Variants in PDZD2 observed in about 807,000 individuals in gnomAD.
PDZD2 encodes PDZ domain containing 2, also known as PDZ domain-containing protein 2.
Under a neutral mutation model 220.7 loss-of-function variants are expected in PDZD2, and 90 were observed. The observed-to-expected ratio is 0.41, with a 90% CI of 0.34 to 0.49. PDZD2 has a LOEUF of 0.49. PDZD2 is among the 20% of genes least tolerant of loss of function. The pLI is 0.28. For missense variants in PDZD2, 3,174 were observed against 3,608.5 expected (o/e 0.88, Z 3.08); for synonymous variants, 1,375 against 1,450.5 (o/e 0.95, Z 1.18).
intron 1 of PDZD2, among the ~76,000 whole-genome samples, chr5:31,736,012 T>G (rs1028794644): frequency 3.3e-5 from 5 of 152,060 alleles, no homozygotes; most frequent in African/African-American, 1.2e-4. Context: ...AGGTGACAGT[T>G]TTCAGAATAC....
At chr5:31,923,747 A>C (rs1443410998) in intron 2 of PDZD2, among the ~76,000 whole-genome samples, 2 of 152,232 alleles carry the variant, frequency 1.3e-5, no homozygotes, top group African/African-American at 4.8e-5. Context: ...AAATAAAAAT[A>C]AAATACACTT....
intron 2 of PDZD2, among the ~76,000 whole-genome samples, chr5:31,858,080 C>T (rs1580912117): frequency 6.6e-6 from 1 of 152,276 alleles, no homozygotes; most frequent in Non-Finnish European, 1.5e-5. Context: ...CCCGTCTTGG[C>T]CTCCCACAGT....
Position 31,823,007 on chromosome 5 carries a change from C to G in PDZD2, c.476+23283C>G, listed in dbSNP as rs1316016466. On this transcript the variant is annotated intron_variant, in intron 2 of 24. Transcript: ENST00000438447. ...TTTTTCTTTCCGAGAAGACTGAGTT[C>G]TACGTTGATGTGATTGAAGTCCCTC... The G allele has an allele frequency of 1.3e-5, 15 of 1,191,922 alleles. No homozygotes were observed. The Admixed American group carries it at 2.7e-4, about 21-fold the overall frequency. 73.8% of individuals were successfully genotyped at this position (1,191,922 alleles called of 1,614,324 possible). A position where few individuals can be genotyped will look rare whatever the true frequency, so the allele number is the denominator to read the frequency against.
intron 19 of PDZD2, among the ~76,000 whole-genome samples, chr5:32,085,437 CA>C (rs1206923412): frequency 6.7e-6 from 1 of 149,298 alleles, no homozygotes; most frequent in East Asian, 1.9e-4. Context: ...TCAATAAATG[CA>C]ATACCTTATT....
intron 2 of PDZD2, among the ~76,000 whole-genome samples, chr5:31,871,507 G>A (rs1477788418): frequency 1.3e-5 from 2 of 151,290 alleles, no homozygotes; most frequent in Non-Finnish European, 1.5e-5. Flanking sequence ...GCTGGAGTGC[G>A]GTGACATGAT....
intron 2 of PDZD2, among the ~76,000 whole-genome samples, chr5:31,857,935 T>C (rs1758601924): frequency 6.6e-6 from 1 of 152,224 alleles, no homozygotes; most frequent in Non-Finnish European, 1.5e-5. Flanking sequence ...CAAGTGATTC[T>C]CCTGCCTCAC....
chr5:31,768,281 C>T (rs1752142900), intron 1 of PDZD2, among the ~76,000 whole-genome samples: 1 of 152,164 alleles, frequency 6.6e-6, no homozygotes, highest in South Asian at 2.1e-4. Flanking sequence ...GCCATCAGCC[C>T]AAGGGACAGG....
At chr5:31,648,891 T>G (rs992687844) in intron 1 of PDZD2, among the ~76,000 whole-genome samples, 2 of 151,976 alleles carry the variant, frequency 1.3e-5, no homozygotes, top group African/African-American at 4.9e-5. Flanking sequence ...TCTTACATTC[T>G]ATGGGTTTGG....
At chr5:31,943,816 T>G (rs1473345618) in intron 2 of PDZD2, among the ~76,000 whole-genome samples, 1 of 152,194 alleles carries the variant, frequency 6.6e-6, no homozygotes, top group African/African-American at 2.4e-5. Context: ...CTGGATTCTA[T>G]TAGTAGATTT....
intron 6 of PDZD2, among the ~76,000 whole-genome samples, chr5:32,011,008 C>CAAAAAAAAAAA: frequency 1.0e-5 from 1 of 100,368 alleles, no homozygotes; most frequent in Non-Finnish European, 1.8e-5. Context: ...AAAAACCTCT[C>CAAAAAAAAAAA]AAAAAAAAAA....
chr5:31,837,675 G>C (rs1757028982), intron 2 of PDZD2, among the ~76,000 whole-genome samples: 1 of 152,028 alleles, frequency 6.6e-6, no homozygotes, highest in East Asian at 1.9e-4. Context: ...AGTGAGCCGA[G>C]ATTGTGTCAC....
chr5:31,826,447 T>A (rs10038144), intron 2 of PDZD2, among the ~76,000 whole-genome samples: 2 of 151,662 alleles, frequency 1.3e-5, no homozygotes, highest in African/African-American at 2.4e-5. Flanking sequence ...CCGAGGCGGG[T>A]GGATCATTTG....
At chr5:32,106,988 T>C (rs1036531156) in intron 24 of PDZD2, among the ~76,000 whole-genome samples, 2 of 152,244 alleles carry the variant, frequency 1.3e-5, no homozygotes, top group Non-Finnish European at 2.9e-5. Context: ...ACATAATATT[T>C]ATTTCAATAA....
chr5:31,912,372 G>T (rs1219785181), intron 2 of PDZD2, among the ~76,000 whole-genome samples: 1 of 152,088 alleles, frequency 6.6e-6, no homozygotes, highest in Non-Finnish European at 1.5e-5. Context: ...GCTTCCCAAA[G>T]GCCCCACCTC....
intron 21 of PDZD2, among the ~76,000 whole-genome samples, chr5:32,096,436 G>A (rs973273645): frequency 6.6e-6 from 1 of 152,086 alleles, no homozygotes; most frequent in African/African-American, 2.4e-5. Flanking sequence ...TCCTGCCTCA[G>A]CCTCCCAAGT....
chr5:31,928,748 A>G (rs1015779905), intron 2 of PDZD2, among the ~76,000 whole-genome samples: 8 of 152,206 alleles, frequency 5.3e-5, no homozygotes, highest in Non-Finnish European at 1.2e-4. Context: ...TTGGGATTAC[A>G]GGCCTGAGCC....
At chr5:31,652,402 G>A (rs76393790) in intron 1 of PDZD2, among the ~76,000 whole-genome samples, 2,569 of 152,290 alleles carry the variant, frequency 0.017, 68 homozygotes, top group African/African-American at 0.059. Flanking sequence ...GGAGATGGGT[G>A]CTTTCCATAA....
intron 2 of PDZD2, among the ~76,000 whole-genome samples, chr5:31,980,378 C>T (rs1750196938): frequency 6.6e-6 from 1 of 152,170 alleles, no homozygotes; most frequent in Admixed American, 6.5e-5. Flanking sequence ...TCCTTTTTTA[C>T]TGACAAAGAA....
intron 1 of PDZD2, among the ~76,000 whole-genome samples, chr5:31,710,985 A>G (rs1046775474): frequency 1.3e-5 from 2 of 152,212 alleles, no homozygotes; most frequent in African/African-American, 2.4e-5. Context: ...GACACACACA[A>G]AAAAGTATAT....
Sources: allele counts gnomAD v4.1 joint callset (sites outside exome capture counted in the v4.1 genomes callset), GRCh38; gene constraint gnomAD v4.1.1; transcripts MANE v1.5; gene names NCBI Gene and HGNC (gene_info 2026-07-23, HGNC 2026-07-21).